Variants in DOCK9 observed in about 807,000 individuals in gnomAD.
DOCK9 encodes the protein dedicator of cytokinesis protein 9.
A neutral mutation model predicts 263.3 loss-of-function variants in DOCK9; 89 were observed. That is an observed-to-expected ratio of 0.34 (90% CI 0.28 to 0.40). The LOEUF (loss-of-function observed/expected upper bound fraction) is 0.40. Ranked by LOEUF, DOCK9 falls within the 10% of genes least tolerant of loss-of-function variation. The pLI is 1.00. For missense variants in DOCK9, 2,140 were observed against 2,603.4 expected, an observed-to-expected ratio of 0.82 and a Z score of 3.87; for synonymous variants, 976 against 973.1, an observed-to-expected ratio of 1.00 and a Z score of -0.06.
At chr13:99,081,933 T>C (rs913106848) in intron 1 of DOCK9, among the ~76,000 whole-genome samples, 1 of 152,196 alleles carries the variant, frequency 6.6e-6, no homozygotes. Context: ...GCACCTCCAC[T>C]ACTTTTATAA....
At chr13:99,086,141 G>A in intron 1 of DOCK9, 4 of 1,387,714 alleles carry the variant, frequency 2.9e-6, no homozygotes, top group East Asian at 3.1e-5. Context: ...CAGCCCTGCC[G>A]ACTAAGAGGC....
chr13:99,008,525 C>T (rs550284064), intron 1 of DOCK9, among the ~76,000 whole-genome samples: 4 of 152,292 alleles, frequency 2.6e-5, no homozygotes, highest in South Asian at 4.1e-4. Context: ...TGAGCCACCG[C>T]GCCCGGCCCA....
At position 98,794,495 on chromosome 13, in the gene DOCK9, T is replaced by C. The variant is rs1052113240; in HGVS notation, c.*131A>G. 7.1e-6 allele frequency: 7 copies of C among 981,654 alleles called. 1 individual carries two copies. The South Asian group carries it at 1.3e-4, about 18-fold the overall frequency. 60.8% of individuals were successfully genotyped at this position (981,654 alleles called of 1,614,324 possible). A position where few individuals can be genotyped will look rare whatever the true frequency, so the allele number is the denominator to read the frequency against. On this transcript the variant is annotated 3_prime_UTR_variant, in exon 53 of 53. Transcript: ENST00000682017. ...GAAAGTCTGTTAAGAAATAACGTTG[T>C]TCTTTATTTCCTTTCTCTCCCCTTC...
chr13:98,991,140 T>C (rs1044531493), intron 1 of DOCK9, among the ~76,000 whole-genome samples: 7 of 152,088 alleles, frequency 4.6e-5, no homozygotes, highest in African/African-American at 1.7e-4. Context: ...GGCATGATTT[T>C]GGCTCACCAC....
At position 98,886,613 on chromosome 13, in the gene DOCK9, G is replaced by C. The variant is rs1479777782; in HGVS notation, c.2055C>G (p.Gly685=). The C allele has an allele frequency of 6.2e-7, 1 of 1,613,592 alleles. No homozygotes were observed. Among genetic ancestry groups the C allele is most frequent in the African/African-American group, 1.3e-5 (1 of 74,928 alleles). The part of the protein sequence containing the change: ...EDSQPLKCIY[G]RPGGPVFTRS... ...TTGTGAAAACTGGCCCACCAGGTCT[G>C]CCATAAATGCACTAAAATAAGAGTT... Residue 685 remains glycine, a synonymous_variant, in exon 19 of 53, where the codon GGC becomes GGG. Transcript: ENST00000682017.
chr13:99,072,664 GTTC>G (rs1451508480), intron 1 of DOCK9, among the ~76,000 whole-genome samples: 3 of 152,218 alleles, frequency 2.0e-5, no homozygotes, highest in African/African-American at 7.2e-5. Context: ...ATTCTAAATT[GTTC>G]TTCTGTGTTC....
chr13:98,888,043 A>G, intron 18 of DOCK9, 115 bp downstream of exon 18: 1 of 677,036 alleles, frequency 1.5e-6, no homozygotes, highest in Non-Finnish European at 2.5e-6. Context: ...TATATTTTTG[A>G]TTTGTGTCAA....
intron 1 of DOCK9, among the ~76,000 whole-genome samples, chr13:99,057,359 G>C: frequency 6.6e-6 from 1 of 152,140 alleles, no homozygotes; most frequent in East Asian, 1.9e-4. Flanking sequence ...GCACAAAACA[G>C]GTAACCACTG....
chr13:98,927,605 G>A (rs2053189364), intron 3 of DOCK9, among the ~76,000 whole-genome samples: 1 of 142,936 alleles, frequency 7.0e-6, no homozygotes, highest in African/African-American at 2.6e-5. Flanking sequence ...TATGAATGGA[G>A]CCCAGATTTT....
At chr13:98,823,426 T>C (rs879797075) in intron 45 of DOCK9, among the ~76,000 whole-genome samples, 8 of 152,198 alleles carry the variant, frequency 5.3e-5, no homozygotes, top group Non-Finnish European at 1.0e-4. Flanking sequence ...TGAGAATGGT[T>C]AAAAGCCCCA....
chr13:98,880,686 A>C lies in DOCK9; in HGVS notation c.2746-14T>G. 6.2e-7 allele frequency: 1 copy of C among 1,612,140 alleles called. No homozygotes were observed. Among genetic ancestry groups the C allele is most frequent in the Non-Finnish European group, 8.5e-7 (1 of 1,179,028 alleles). ...CTTATACGCGTACTTTGAAGAAAAG[A>C]GAAAGAGACTTTAATGCACTGGCTC... On this transcript the variant is annotated splice_polypyrimidine_tract_variant and intron_variant, in intron 25 of 52. Coordinates refer to ENST00000682017, the MANE Select transcript of DOCK9 (RefSeq NM_001366683.2).
chr13:98,810,055 C>A, intron 46 of DOCK9, 114 bp downstream of exon 46: 6 of 1,418,312 alleles, frequency 4.2e-6, no homozygotes, highest in Non-Finnish European at 5.8e-6. Context: ...GGTCAGAGAC[C>A]CCCACTCATC....
intron 9 of DOCK9, among the ~76,000 whole-genome samples, chr13:98,905,245 T>C (rs1176130176): frequency 4.6e-5 from 7 of 152,216 alleles, no homozygotes; most frequent in African/African-American, 1.4e-4. Context: ...TGCTAATTAA[T>C]TCAATAAATA....
At chr13:98,924,557 G>A (rs1232510126) in intron 4 of DOCK9, among the ~76,000 whole-genome samples, 2 of 152,182 alleles carry the variant, frequency 1.3e-5, no homozygotes, top group South Asian at 2.1e-4. Flanking sequence ...TTTGGTCCCC[G>A]TTGTTGCATA....
rs774688907 is a variant in DOCK9 at position 98,879,973 on chromosome 13, A to G, written c.2872-4T>C. 1.3e-6 allele frequency: 2 copies of G among 1,598,632 alleles called. No individual in the cohort carries two copies. The highest frequency in any genetic ancestry group is 2.7e-5 in the African/African-American group (2 of 73,736). ...CATCAAAGAAAAACCATGAGTACTA[A>G]AAGAAAAAAGAACAGGACCCAGTAA... On this transcript the variant is annotated splice_polypyrimidine_tract_variant and splice_region_variant and intron_variant, in intron 26 of 52. Coordinates refer to ENST00000682017, the MANE Select transcript of DOCK9 (RefSeq NM_001366683.2).
chr13:99,088,493 GCTT>G (rs2142543644), upstream of DOCK9: 1 of 152,222 alleles, frequency 6.6e-6, no homozygotes, highest in Admixed American at 6.5e-5. Flanking sequence ...CTCCCTTTAG[GCTT>G]CTGACTCCCT....
At chr13:99,082,512 T>C (rs139614463) in intron 1 of DOCK9, among the ~76,000 whole-genome samples, 2,457 of 147,164 alleles carry the variant, frequency 0.017, 39 homozygotes, top group South Asian at 0.058. Flanking sequence ...AGAGCAAGAC[T>C]CCATCTCAAA....
Position 98,868,370 on chromosome 13 carries a change from C to T in DOCK9, c.2951G>A (p.Arg984Gln), listed in dbSNP as rs1323738459. ...LIENSKVKLL[R>Q]NQRFPASYHH... ...ATAGGATGCAGGAAATCTCTGGTTT[C>T]GCAGCAACTAAAAAGAATTCAGAGC... The change falls in exon 28 of 53, where the codon CGA (arginine) becomes CAA (glutamine). Residue 984 changes from arginine to glutamine, a missense_variant. Arg to Gln is a conservative substitution (Grantham distance 43). This residue lies in a region of DOCK9 where 1,521 missense variants were observed against 1,741.7 expected (regional missense o/e 0.87). Transcript: ENST00000682017. 7 of 1,609,828 alleles carry T rather than the reference C, an allele frequency of 4.3e-6. No homozygotes were observed. The highest frequency in any genetic ancestry group is 3.4e-5 in the Admixed American group (2 of 59,148).
chr13:98,922,534 T>C (rs1188665046), intron 5 of DOCK9, among the ~76,000 whole-genome samples: 2 of 151,502 alleles, frequency 1.3e-5, no homozygotes, highest in Non-Finnish European at 3.0e-5. Flanking sequence ...CAAAAGCACA[T>C]GCACATTCCT....
Sources: gnomAD v4.1 joint callset for allele counts (sites outside exome capture counted in the v4.1 genomes callset) on GRCh38, gnomAD v4.1.1 for gene constraint, gnomAD v4.1.1 regional missense constraint, MANE v1.5 for transcripts, NCBI Gene and HGNC (gene_info 2026-07-23, HGNC 2026-07-21) for gene names.